DPP6: variants seen among roughly 807,000 people sequenced by gnomAD.
The protein encoded by DPP6 is dipeptidyl peptidase like 6, also known as A-type potassium channel modulatory protein DPP6.
A neutral mutation model predicts 122.6 loss-of-function variants in DPP6; 69 were observed. That is an observed-to-expected ratio of 0.56 (90% confidence interval 0.46 to 0.69). The LOEUF (loss-of-function observed/expected upper bound fraction) is 0.69, where lower values mean the gene tolerates loss of function less well. DPP6 is among the 30% of genes least tolerant of loss of function. DPP6 has a pLI of 0.00. For synonymous variants in DPP6, 418 were observed against 433.1 expected, an observed-to-expected ratio of 0.97 and a Z score of 0.43; for missense variants, 928 against 1,116.9, an observed-to-expected ratio of 0.83 and a Z score of 2.41.
At chr7:154,410,407 T>A (rs534003227) in intron 1 of DPP6, among the ~76,000 whole-genome samples, 144 of 152,382 alleles carry the variant, frequency 9.4e-4, no homozygotes, top group Admixed American at 2.0e-3. Flanking sequence ...GATTAAAATA[T>A]TTCCGATTCA....
At chr7:154,393,882 TAAGAGGAATCATC>T (rs1323665208) in intron 1 of DPP6, among the ~76,000 whole-genome samples, 1 of 152,170 alleles carries the variant, frequency 6.6e-6, no homozygotes, top group Non-Finnish European at 1.5e-5. Flanking sequence ...GTACCTTGTA[TAAGAGGAATCATC>T]AAGCATTTTT....
chr7:153,975,419 TTA>T (rs1228198099), intron 1 of DPP6, among the ~76,000 whole-genome samples: 1 of 138,458 alleles, frequency 7.2e-6, no homozygotes, highest in Non-Finnish European at 1.5e-5. Context: ...ACCAAAACAG[TTA>T]TGTTTCAGGA....
the DPP6 span, among the ~76,000 whole-genome samples, chr7:153,831,099 A>C: frequency 6.6e-6 from 1 of 152,210 alleles, no homozygotes. Context: ...TTTGCAATTA[A>C]TTTTACCGAT....
At chr7:154,570,041 G>T (rs76754668) in intron 5 of DPP6, among the ~76,000 whole-genome samples, 4,658 of 151,906 alleles carry the variant, frequency 0.031, 294 homozygotes, top group African/African-American at 0.095. Flanking sequence ...GAGTAGTTCC[G>T]TATGTATACC....
chr7:153,960,193 G>T (rs368948599), intron 1 of DPP6, among the ~76,000 whole-genome samples: 2 of 152,108 alleles, frequency 1.3e-5, no homozygotes, highest in South Asian at 4.2e-4. Context: ...CTTAAAATAA[G>T]ACAACAGTGA....
At chr7:153,819,077 C>CTTTTT in the DPP6 span, among the ~76,000 whole-genome samples, 236 of 99,850 alleles carry the variant, frequency 2.4e-3, 1 homozygote, top group Non-Finnish European at 3.4e-3. Flanking sequence ...CTTTTCTTTT[C>CTTTTT]TTTTTTTTTT....
intron 1 of DPP6, chr7:154,057,532 A>C (rs1274942781): frequency 6.6e-6 from 1 of 150,942 alleles, no homozygotes; most frequent in African/African-American, 2.5e-5. Flanking sequence ...GTCCGAACGC[A>C]GCTCAGGAAC....
At chr7:154,804,000 G>A in intron 14 of DPP6, 45 bp downstream of exon 14, 2 of 1,595,010 alleles carry the variant, frequency 1.3e-6, no homozygotes, top group South Asian at 2.3e-5. Context: ...GGCCAATGGG[G>A]CACATTTGTT....
chr7:154,125,208 C>T (rs1380849241), intron 1 of DPP6, among the ~76,000 whole-genome samples: 1 of 152,204 alleles, frequency 6.6e-6, no homozygotes, highest in African/African-American at 2.4e-5. Context: ...ACATGACACT[C>T]TGCTGTGTGG....
At chr7:154,036,081 C>G (rs1339395902) in intron 1 of DPP6, among the ~76,000 whole-genome samples, 1 of 151,398 alleles carries the variant, frequency 6.6e-6, no homozygotes, top group Non-Finnish European at 1.5e-5. Flanking sequence ...AGTGTTTATT[C>G]TTTTTAACAA....
At chr7:153,819,723 C>G in the DPP6 span, among the ~76,000 whole-genome samples, 1 of 152,086 alleles carries the variant, frequency 6.6e-6, no homozygotes. Flanking sequence ...AATATAAATG[C>G]ATTTATTACC....
chr7:154,829,909 G>A (rs1272189401), intron 16 of DPP6, among the ~76,000 whole-genome samples: 3 of 152,060 alleles, frequency 2.0e-5, no homozygotes, highest in African/African-American at 7.2e-5. Flanking sequence ...CTGTGATGCT[G>A]GTGCACAGAC....
chr7:153,923,307 A>C (rs1397162208), intron 1 of DPP6, among the ~76,000 whole-genome samples: 1 of 152,208 alleles, frequency 6.6e-6, no homozygotes, highest in Admixed American at 6.5e-5. Context: ...AAGATGCCTA[A>C]TGCCAGGTTT....
At chr7:153,886,444 G>C (rs1317542442), upstream of DPP6, among the ~76,000 whole-genome samples, 4 of 152,184 alleles carry the variant, frequency 2.6e-5, no homozygotes, top group African/African-American at 9.6e-5. Flanking sequence ...GGTAGGGAGA[G>C]CCGTGGGCGC....
At chr7:154,573,683 A>G (rs1302482222) in intron 5 of DPP6, among the ~76,000 whole-genome samples, 2 of 152,212 alleles carry the variant, frequency 1.3e-5, no homozygotes, top group South Asian at 2.1e-4. Context: ...CTCTTACTAC[A>G]TGAGATTATC....
intron 1 of DPP6, among the ~76,000 whole-genome samples, chr7:154,109,551 C>G (rs1806418575): frequency 1.3e-5 from 2 of 152,302 alleles, no homozygotes; most frequent in African/African-American, 4.8e-5. Flanking sequence ...CTCAGCCTCC[C>G]AAAATGCTGG....
chr7:154,233,591 A>C (rs1801033117), intron 1 of DPP6, among the ~76,000 whole-genome samples: 1 of 152,178 alleles, frequency 6.6e-6, no homozygotes, highest in Non-Finnish European at 1.5e-5. Flanking sequence ...ATGCCATGTG[A>C]GATGGAGGCA....
chr7:153,906,888 A>G (rs1278464921), intron 1 of DPP6, among the ~76,000 whole-genome samples: 1 of 152,210 alleles, frequency 6.6e-6, no homozygotes, highest in Admixed American at 6.5e-5. Flanking sequence ...CCACATTTTA[A>G]AAATCCAGTC....
intron 1 of DPP6, among the ~76,000 whole-genome samples, chr7:154,257,654 G>A (rs1050904883): frequency 5.0e-4 from 76 of 152,150 alleles, no homozygotes; most frequent in African/African-American, 1.7e-3. Context: ...CCAAGATGGC[G>A]CCACTGCACT....
Sources: gnomAD v4.1 joint callset for allele counts (sites outside exome capture counted in the v4.1 genomes callset) on GRCh38, gnomAD v4.1.1 for gene constraint, MANE v1.5 for transcripts, NCBI Gene and HGNC (gene_info 2026-07-23, HGNC 2026-07-21) for gene names.